The following NDUFB9 variants were observed in gnomAD, a reference collection of about 807,000 sequenced individuals.
The protein encoded by NDUFB9 is NADH:ubiquinone oxidoreductase subunit B9, also known as NADH dehydrogenase [ubiquinone] 1 beta subcomplex subunit 9.
Under a neutral mutation model 30.2 loss-of-function variants are expected in NDUFB9, and 24 were observed. The ratio of observed to expected loss-of-function variants is 0.80; its 90% CI spans 0.58 to 1.12. The LOEUF is 1.12. Ranked by LOEUF, NDUFB9 falls within the 50% of genes most tolerant of loss-of-function variation. NDUFB9 has a pLI of 0.00. For synonymous variants in NDUFB9, 80 were observed against 84.0 expected, an observed-to-expected ratio of 0.95 and a Z score of 0.26; for missense variants, 204 against 226.0, an observed-to-expected ratio of 0.90 and a Z score of 0.62.
In NDUFB9 at chr8:124,540,055, C is replaced by T. The variant is rs574458806; in HGVS notation, c.101+768C>T. Among the ~76,000 whole-genome samples the T allele has an allele frequency of 7.9e-5, 12 of 152,268 alleles. No individual in the cohort carries two copies. The East Asian group carries it at 1.4e-3, about 17-fold the overall frequency. Reference sequence around the variant, plus strand: ...GTGCCTCGCCTCCACTCCAGTCTTACGACTCTCCAAACGTAGTTTTATAAG... The same window carrying T: ...GTGCCTCGCCTCCACTCCAGTCTTATGACTCTCCAAACGTAGTTTTATAAG... On this transcript the variant is annotated intron_variant, in intron 1 of 3. Coordinates refer to ENST00000276689, the MANE Select transcript of NDUFB9 (RefSeq NM_005005.3).
chr8:124,545,870 G>A (rs35544512), intron 2 of NDUFB9, among the ~76,000 whole-genome samples: 5,493 of 150,714 alleles, frequency 0.036, 149 homozygotes, highest in Non-Finnish European at 0.052. Context: ...TGGTGGAGGG[G>A]GACAGAGTTT....
At chr8:124,542,342 G>A (rs912862005) in intron 1 of NDUFB9, among the ~76,000 whole-genome samples, 7 of 152,136 alleles carry the variant, frequency 4.6e-5, no homozygotes, top group Non-Finnish European at 1.0e-4. Context: ...GTGAGCCACC[G>A]CACCTGACCA....
chr8:124,540,624 C>T (rs961700259), intron 1 of NDUFB9, among the ~76,000 whole-genome samples: 34 of 152,174 alleles, frequency 2.2e-4, no homozygotes, highest in Non-Finnish European at 2.6e-4. Flanking sequence ...GCTGGGAATA[C>T]TAAAGTCCAT....
In NDUFB9 at chr8:124,546,733, A is replaced by G. The variant is rs1011762444; in HGVS notation, c.295-267A>G. 8 of 535,504 alleles carry G rather than the reference A, an allele frequency of 1.5e-5. No individual in the cohort carries two copies. The South Asian group carries it at 1.8e-4, about 12-fold the overall frequency. The allele number at this position is 535,504 out of a possible 1,614,324, so 33.2% of individuals were successfully genotyped here. ...TAAGACTACTCTGGATATTTAGAGA[A>G]GGCAGGTAGGGGAGGAATGAAGCCA... On this transcript the variant is annotated intron_variant, in intron 2 of 3. Coordinates refer to ENST00000276689, the MANE Select transcript of NDUFB9 (RefSeq NM_005005.3).
chr8:124,539,178 A>T lies in NDUFB9; in HGVS notation c.-9A>T. 1 of 1,614,134 alleles carries T rather than the reference A, an allele frequency of 6.2e-7. No homozygotes were observed. Among genetic ancestry groups the T allele is most frequent in the South Asian group, 1.1e-5 (1 of 91,080 alleles). On this transcript the variant is annotated 5_prime_UTR_variant, in exon 1 of 4. Transcript: ENST00000276689. ...GCTCTCCGCGCGGCCGGGGAAGGTC[A>T]GCGCCGTAATGGCGTTCTTGGCGTC...
chr8:124,546,379 T>C (rs190599901), intron 2 of NDUFB9, among the ~76,000 whole-genome samples: 1 of 152,366 alleles, frequency 6.6e-6, no homozygotes, highest in East Asian at 1.9e-4. Context: ...ATCATAATGC[T>C]GTTGGACACT....
At chr8:124,545,057 T>A (rs980338246) in intron 2 of NDUFB9, among the ~76,000 whole-genome samples, 3 of 152,230 alleles carry the variant, frequency 2.0e-5, no homozygotes, top group Non-Finnish European at 4.4e-5. Flanking sequence ...AGAGCCAGAA[T>A]AGAAGCTGAT....
At chr8:124,541,586 G>A (rs894207195) in intron 1 of NDUFB9, among the ~76,000 whole-genome samples, 2 of 152,156 alleles carry the variant, frequency 1.3e-5, no homozygotes, top group Non-Finnish European at 2.9e-5. Flanking sequence ...GGAGGAACCC[G>A]TGGCCTAGAA....
chr8:124,544,776 C>T (rs1341253076), intron 2 of NDUFB9, among the ~76,000 whole-genome samples: 1 of 151,846 alleles, frequency 6.6e-6, no homozygotes, highest in Non-Finnish European at 1.5e-5. Flanking sequence ...GAGTAATTTC[C>T]ACTTGCAAGT....
At chr8:124,542,942 T>C (rs1023684950) in intron 1 of NDUFB9, 145 bp from the exon 2 acceptor site, 16 of 778,490 alleles carry the variant, frequency 2.1e-5, no homozygotes, top group Non-Finnish European at 3.3e-5. Context: ...GAAGCAGCCA[T>C]GATGATACGG....
At chr8:124,544,007 A>G (rs1238953059) in intron 2 of NDUFB9, among the ~76,000 whole-genome samples, 3 of 152,248 alleles carry the variant, frequency 2.0e-5, no homozygotes, top group Non-Finnish European at 4.4e-5. Context: ...TGGTTAGCCA[A>G]GTTGTGAATG....
At position 124,543,243 on chromosome 8, in the gene NDUFB9, T is replaced by C; in HGVS notation, c.258T>C (p.Pro86=). ...HPQPYIFPDS[P]GGTSYERYDC... The stretch of plus-strand genomic sequence containing the variant: ...AGCCATACATCTTCCCTGACTCTCC[T>C]GGGGGCACCTCCTATGAGAGATACG... The change falls in exon 2 of 4, where the codon CCT becomes CCC. Residue 86 remains proline (P), a synonymous_variant. Transcript: ENST00000276689. The C allele has an allele frequency of 6.2e-7, 1 of 1,614,174 alleles. No individual in the cohort carries two copies. Among genetic ancestry groups the C allele is most frequent in the Non-Finnish European group, 8.5e-7 (1 of 1,180,012 alleles).
chr8:124,541,114 C>T (rs889043714), intron 1 of NDUFB9, among the ~76,000 whole-genome samples: 3 of 152,096 alleles, frequency 2.0e-5, no homozygotes, highest in East Asian at 3.9e-4. Context: ...TGCAGTGAGC[C>T]GAGATAGCCC....
chr8:124,540,780 A>G (rs775768938), intron 1 of NDUFB9, among the ~76,000 whole-genome samples: 24 of 151,742 alleles, frequency 1.6e-4, no homozygotes, highest in Non-Finnish European at 2.9e-4. Flanking sequence ...CATCCTAGGC[A>G]TACTGTGTTG....
At chr8:124,543,945 T>A (rs1041166509) in intron 2 of NDUFB9, among the ~76,000 whole-genome samples, 4 of 152,224 alleles carry the variant, frequency 2.6e-5, no homozygotes, top group African/African-American at 9.6e-5. Flanking sequence ...TTAAGCTTAG[T>A]GAGGAAGGCA....
intron 2 of NDUFB9, among the ~76,000 whole-genome samples, chr8:124,546,121 C>T (rs1384939980): frequency 6.6e-6 from 1 of 152,178 alleles, no homozygotes; most frequent in African/African-American, 2.4e-5. Context: ...GGATTACAGG[C>T]GTGAGCCACT....
chr8:124,544,125 T>C (rs1353176747), intron 2 of NDUFB9, among the ~76,000 whole-genome samples: 1 of 152,192 alleles, frequency 6.6e-6, no homozygotes. Context: ...GTTTTAGTGG[T>C]TGGGACAAAA....
At chr8:124,543,882 C>T (rs1447727643) in intron 2 of NDUFB9, among the ~76,000 whole-genome samples, 3 of 152,218 alleles carry the variant, frequency 2.0e-5, no homozygotes, top group Non-Finnish European at 4.4e-5. Flanking sequence ...TTACATGTCT[C>T]TCACTTTAAA....
chr8:124,544,431 C>CT (rs1428791216), intron 2 of NDUFB9, among the ~76,000 whole-genome samples: 1 of 152,078 alleles, frequency 6.6e-6, no homozygotes, highest in African/African-American at 2.4e-5. Context: ...ATGAAGTAGC[C>CT]TTTTTTTGGA....
Sources: gnomAD v4.1 joint callset for allele counts (sites outside exome capture counted in the v4.1 genomes callset) on GRCh38, gnomAD v4.1.1 for gene constraint, MANE v1.5 for transcripts, NCBI Gene and HGNC (gene_info 2026-07-23, HGNC 2026-07-21) for gene names.